IMPG2: variants seen among roughly 807,000 people sequenced by gnomAD.
The protein encoded by IMPG2 is interphotoreceptor matrix proteoglycan 2.
Under a neutral mutation model 129.2 loss-of-function variants are expected in IMPG2, and 91 were observed. The observed-to-expected ratio is 0.70, with a 90% CI of 0.59 to 0.84. The LOEUF (loss-of-function observed/expected upper bound fraction) is 0.84. Ranked by LOEUF, IMPG2 falls within the 40% of genes least tolerant of loss-of-function variation. The pLI, the probability that IMPG2 is intolerant of heterozygous loss-of-function variation, is 0.00. For missense variants in IMPG2, 1,430 were observed against 1,461.7 expected, an observed-to-expected ratio of 0.98 and a Z score of 0.35; for synonymous variants, 510 against 517.7, an observed-to-expected ratio of 0.99 and a Z score of 0.20.
At chr3:101,287,871 A>G (rs1426225704) in intron 4 of IMPG2, among the ~76,000 whole-genome samples, 2 of 152,208 alleles carry the variant, frequency 1.3e-5, no homozygotes, top group African/African-American at 2.4e-5. Flanking sequence ...CAATTGCAAC[A>G]AAAACAAAAA....
intron 10 of IMPG2, among the ~76,000 whole-genome samples, chr3:101,254,037 CTTCCT>C (rs1339877244): frequency 6.6e-6 from 1 of 152,106 alleles, no homozygotes; most frequent in Admixed American, 6.5e-5. Context: ...TCCTCTATTA[CTTCCT>C]TTCCTTTCTC....
At position 101,244,761 on chromosome 3, in the gene IMPG2, C is replaced by G. The variant is rs1369278312; in HGVS notation, c.1570G>C (p.Asp524His). The change falls in exon 13 of 19, where the codon GAT becomes CAT. Residue 524 changes from aspartate (D) to histidine (H), a missense_variant. By Grantham distance (81) the Asp-to-His change is moderately conservative. Coordinates refer to ENST00000193391, the MANE Select transcript of IMPG2 (RefSeq NM_016247.4). Reference sequence around the variant, plus strand: ...GGCAATGAATCAATAGAAAGAAAATCTTCTGACTCTTCAACATTGGCTAAT... The same window carrying G: ...GGCAATGAATCAATAGAAAGAAAATGTTCTGACTCTTCAACATTGGCTAAT... The part of the protein sequence containing the change: ...DGLANVEESE[D>H]FLSIDSLPSS... 6.2e-7 allele frequency: 1 copy of G among 1,613,940 alleles called. No homozygotes were observed. Among genetic ancestry groups the G allele is most frequent in the Admixed American group, 1.7e-5 (1 of 59,994 alleles).
At position 101,320,203 on chromosome 3, in the gene IMPG2, C is replaced by T. The variant is rs949928496; in HGVS notation, c.85+85G>A. On this transcript the variant is annotated intron_variant, in intron 1 of 18. Coordinates refer to ENST00000193391, the MANE Select transcript of IMPG2 (RefSeq NM_016247.4). Reference sequence around the variant, plus strand: ...AAGTAGTATTTGATTCCATTTCTTACAGCAATCACATCAAATAATCCTATT... The same window carrying T: ...AAGTAGTATTTGATTCCATTTCTTATAGCAATCACATCAAATAATCCTATT... 2.2e-5 allele frequency: 18 copies of T among 803,860 alleles called. 1 individual carries two copies. The East Asian group carries it at 4.7e-4, about 21-fold the overall frequency. 49.8% of individuals were successfully genotyped at this position (803,860 alleles called of 1,614,324 possible). A position where few individuals can be genotyped will look rare whatever the true frequency, so the allele number is the denominator to read the frequency against.
intron 14 of IMPG2, among the ~76,000 whole-genome samples, chr3:101,233,403 C>T (rs1220330051): frequency 1.3e-5 from 2 of 152,162 alleles, no homozygotes; most frequent in Non-Finnish European, 2.9e-5. Flanking sequence ...ACTCTACATA[C>T]ACTGCTACAT....
chr3:101,272,029 T>C (rs945938628), intron 7 of IMPG2, among the ~76,000 whole-genome samples: 1 of 152,112 alleles, frequency 6.6e-6, no homozygotes, highest in African/African-American at 2.4e-5. Flanking sequence ...CACTGACCTT[T>C]CCCTCTCTGA....
intron 14 of IMPG2, among the ~76,000 whole-genome samples, chr3:101,240,658 A>T (rs1463546469): frequency 6.6e-6 from 1 of 152,216 alleles, no homozygotes; most frequent in African/African-American, 2.4e-5. Flanking sequence ...GCAGAAGAAG[A>T]AATCATTCCT....
At chr3:101,276,623 A>G (rs1706842777) in intron 5 of IMPG2, 41 bp downstream of exon 5, 1 of 1,393,036 alleles carries the variant, frequency 7.2e-7, no homozygotes, top group East Asian at 2.3e-5. Flanking sequence ...TAAACCATAA[A>G]TAATTTTAAA....
chr3:101,232,795 G>A lies in IMPG2; in HGVS notation c.3219C>T (p.His1073=), dbSNP rs752500181. 8.3e-5 allele frequency: 134 copies of A among 1,613,362 alleles called. No individual in the cohort carries two copies. In the South Asian group the frequency reaches 1.3e-3, roughly 15 times the overall value. The part of the protein sequence containing the change: ...NDGKCDIMPG[H]GAICRCRVGE... Reference sequence around the variant, plus strand: ...CTACAACATACCTACAAATGGCCCCGTGCCCAGGCATAATGTCACACTTTC... The same window carrying A: ...CTACAACATACCTACAAATGGCCCCATGCCCAGGCATAATGTCACACTTTC... Residue 1073 remains histidine, a synonymous_variant, in exon 15 of 19, where the codon CAC becomes CAT. Coordinates refer to ENST00000193391, the MANE Select transcript of IMPG2 (RefSeq NM_016247.4).
chr3:101,288,206 T>C (rs772230822), intron 4 of IMPG2, among the ~76,000 whole-genome samples: 1 of 152,150 alleles, frequency 6.6e-6, no homozygotes, highest in East Asian at 1.9e-4. Context: ...CCAGTCAGAA[T>C]GGCTACTAAA....
chr3:101,257,885 T>C (rs1706629015), intron 9 of IMPG2, 112 bp from the exon 10 acceptor site: 7 of 1,234,830 alleles, frequency 5.7e-6, no homozygotes, highest in Middle Eastern at 1.9e-4. Flanking sequence ...TCAAAGAGCA[T>C]GGATTCCATC....
At chr3:101,254,868 C>T (rs993888964) in intron 10 of IMPG2, among the ~76,000 whole-genome samples, 1 of 151,820 alleles carries the variant, frequency 6.6e-6, no homozygotes, top group Non-Finnish European at 1.5e-5. Flanking sequence ...TAAGTGAGTC[C>T]TCAGAGATCT....
intron 4 of IMPG2, among the ~76,000 whole-genome samples, chr3:101,279,479 C>T (rs925325339): frequency 6.6e-6 from 1 of 152,172 alleles, no homozygotes; most frequent in Non-Finnish European, 1.5e-5. Context: ...TTTCACTTGG[C>T]CTTCATGATA....
At chr3:101,294,206 T>C (rs1707052731) in intron 3 of IMPG2, among the ~76,000 whole-genome samples, 1 of 152,096 alleles carries the variant, frequency 6.6e-6, no homozygotes, top group Admixed American at 6.5e-5. Context: ...AAGCCCCGCA[T>C]GCATTAGCTG....
chr3:101,264,006 TC>T (rs1269522902), intron 9 of IMPG2, among the ~76,000 whole-genome samples: 2 of 151,840 alleles, frequency 1.3e-5, no homozygotes, highest in African/African-American at 2.4e-5. Flanking sequence ...GGAAATAAAT[TC>T]CTGAACACAT....
At chr3:101,228,744 G>C (rs1310228661) in intron 18 of IMPG2, 53 bp downstream of exon 18, 2 of 1,371,858 alleles carry the variant, frequency 1.5e-6, no homozygotes, top group African/African-American at 2.9e-5. Context: ...CATTACTCTA[G>C]AGTAAACTGT....
At chr3:101,235,776 G>A (rs112793165) in intron 14 of IMPG2, among the ~76,000 whole-genome samples, 1,673 of 152,280 alleles carry the variant, frequency 0.011, 33 homozygotes, top group African/African-American at 0.038. Flanking sequence ...GATCTAAATG[G>A]TGGAGTTAAT....
Position 101,243,767 on chromosome 3 carries a change from A to G in IMPG2, c.2564T>C (p.Val855Ala), listed in dbSNP as rs1706436696. The G allele has an allele frequency of 6.2e-7, 1 of 1,613,840 alleles. No individual in the cohort carries two copies. Among genetic ancestry groups the G allele is most frequent in the Non-Finnish European group, 8.5e-7 (1 of 1,179,776 alleles). Residue 855 changes from valine (V) to alanine (A), a missense_variant, in exon 13 of 19, where the codon GTC becomes GCC. Transcript: ENST00000193391. ...ACCAACCTTGCCATTTTGCTCTTGG[A>G]CTTGCTCAGGCTGATAGTAATCTGT... ...IGTDYYQPEQ[V>A]QEQNGKVGSY...
At chr3:101,318,444 T>C (rs1475656563) in intron 2 of IMPG2, among the ~76,000 whole-genome samples, 1 of 152,006 alleles carries the variant, frequency 6.6e-6, no homozygotes, top group African/African-American at 2.4e-5. Flanking sequence ...GAGCTGCCAA[T>C]ATACATTGTA....
intron 2 of IMPG2, among the ~76,000 whole-genome samples, chr3:101,313,777 AG>A (rs1431077507): frequency 6.6e-6 from 1 of 152,136 alleles, no homozygotes; most frequent in Non-Finnish European, 1.5e-5. Flanking sequence ...TATAAGGCAT[AG>A]AAATTGTTAA....
Sources: gnomAD v4.1 joint callset for allele counts (sites outside exome capture counted in the v4.1 genomes callset) on GRCh38, gnomAD v4.1.1 for gene constraint, MANE v1.5 for transcripts, NCBI Gene and HGNC (gene_info 2026-07-23, HGNC 2026-07-21) for gene names.